Variants in ZNF28 observed in about 807,000 individuals in gnomAD.
ZNF28 encodes zinc finger protein 28.
ZNF28 carries 5 observed loss-of-function variants against 7.2 expected under a neutral mutation model. The observed-to-expected ratio is 0.70, with a 90% CI of 0.36 to 1.46. The LOEUF (loss-of-function observed/expected upper bound fraction) is 1.46, where lower values mean the gene tolerates loss of function less well. Ranked by LOEUF, ZNF28 falls within the 40% of genes most tolerant of loss-of-function variation. The pLI is 0.03. For synonymous variants in ZNF28, 288 were observed against 292.4 expected, an observed-to-expected ratio of 0.99 and a Z score of 0.15; for missense variants, 879 against 866.6, an observed-to-expected ratio of 1.01 and a Z score of -0.18.
In ZNF28 at chr19:52,819,629, A is replaced by C. The variant is rs2063170678; in HGVS notation, c.-73-1598T>G. On this transcript the variant is annotated intron_variant, in intron 1 of 3. Coordinates refer to ENST00000457749, the MANE Select transcript of ZNF28 (RefSeq NM_006969.5). ...GAAACATTTTCACGAAGTTACCCTG[A>C]GAAGGTCTGAGATGAGTGAGAAGGT... Among the ~76,000 whole-genome samples, 6 of 129,372 alleles carry C rather than the reference A, an allele frequency of 4.6e-5. No homozygotes were observed. The Admixed American group carries it at 4.7e-4, about 10-fold the overall frequency. The allele number at this position is 129,372 out of a possible 152,430, so 84.9% of individuals were successfully genotyped here.
At chr19:52,809,555 C>T (rs113192642) in intron 2 of ZNF28, among the ~76,000 whole-genome samples, 1 of 152,136 alleles carries the variant, frequency 6.6e-6, no homozygotes, top group East Asian at 1.9e-4. Flanking sequence ...CGCCTGTAAT[C>T]CCAGCACTTT....
intron 2 of ZNF28, among the ~76,000 whole-genome samples, chr19:52,817,304 G>A (rs58599955): frequency 0.59 from 88,808 of 151,606 alleles, 27,214 homozygotes; most frequent in Non-Finnish European, 0.69. Context: ...CCCAGGAGGC[G>A]GAGGTTGCGG....
Position 52,800,554 on chromosome 19 carries a change from T to C in ZNF28, c.1291A>G (p.Ile431Val), listed in dbSNP as rs1249717849. 12 of 1,613,540 alleles carry C rather than the reference T, an allele frequency of 7.4e-6. No homozygotes were observed. Among genetic ancestry groups the C allele is most frequent in the South Asian group, 1.1e-5 (1 of 91,022 alleles). The change falls in exon 4 of 4, where the codon ATA becomes GTA. Residue 431 changes from isoleucine to valine, a missense_variant. Coordinates refer to ENST00000457749, the MANE Select transcript of ZNF28 (RefSeq NM_006969.5). ...TAAGGCTTCTCTCCAGTGTGAATTA[T>C]ACTATGTTTTGCCAGGTATGAATTA... Reference protein sequence around the residue: ...AYNSYLAKHSIIHTGEKPYKC... With the variant: ...AYNSYLAKHSVIHTGEKPYKC...
chr19:52,820,262 C>T (rs1159656918), intron 1 of ZNF28, among the ~76,000 whole-genome samples: 1 of 137,942 alleles, frequency 7.2e-6, no homozygotes, highest in Non-Finnish European at 1.5e-5. Flanking sequence ...GGACTACAGG[C>T]GCCCGCCACC....
chr19:52,808,195 G>T, intron 2 of ZNF28, 62 bp from the exon 3 acceptor site: 1 of 1,595,834 alleles, frequency 6.3e-7, no homozygotes, highest in Non-Finnish European at 8.5e-7. Flanking sequence ...TACAGAAAAT[G>T]ACAAGAGAGG....
chr19:52,815,788 G>A (rs1194115307), intron 2 of ZNF28, among the ~76,000 whole-genome samples: 1 of 146,270 alleles, frequency 6.8e-6, no homozygotes, highest in South Asian at 2.3e-4. Flanking sequence ...TTGCACCACT[G>A]CACTCCAGCC....
intron 2 of ZNF28, chr19:52,809,955 G>C: frequency 1.2e-6 from 1 of 813,974 alleles, no homozygotes; most frequent in South Asian, 1.4e-5. Flanking sequence ...GGGGGGCGCA[G>C]GGGACGATGG....
intron 2 of ZNF28, chr19:52,810,680 G>C (rs760580208): frequency 2.3e-6 from 2 of 883,214 alleles, no homozygotes; most frequent in Non-Finnish European, 3.9e-6. Context: ...GGCCGGGCTA[G>C]AGCGACATCA....
chr19:52,807,968 A>G (rs2062957487), intron 3 of ZNF28, 39 bp downstream of exon 3: 1 of 1,611,178 alleles, frequency 6.2e-7, no homozygotes, highest in Non-Finnish European at 8.5e-7. Context: ...AGAAAATACA[A>G]AGATACACAA....
At position 52,800,811 on chromosome 19, in the gene ZNF28, T is replaced by C; in HGVS notation, c.1034A>G (p.His345Arg). 1.9e-6 allele frequency: 3 copies of C among 1,614,140 alleles called. No individual in the cohort carries two copies. In the East Asian group the frequency reaches 6.7e-5, roughly 36 times the overall value. ...TTTCTCTCCAGTGTGAATTATAGTATGTTTTGCTAGGTATGAATTACATGT... is the reference window on the plus strand; with the variant it reads ...TTTCTCTCCAGTGTGAATTATAGTACGTTTTGCTAGGTATGAATTACATGT... ...AFTCNSYLAKHTIIHTGEKPY... is the reference protein window; with the variant it reads ...AFTCNSYLAKRTIIHTGEKPY... The change falls in exon 4 of 4, where the codon CAT (histidine) becomes CGT (arginine). Residue 345 changes from histidine (H) to arginine (R), a missense_variant. Transcript: ENST00000457749.
intron 3 of ZNF28, among the ~76,000 whole-genome samples, chr19:52,804,489 A>T (rs1310887909): frequency 6.6e-6 from 1 of 151,244 alleles, no homozygotes; most frequent in African/African-American, 2.4e-5. Flanking sequence ...TCCTGCCTCA[A>T]CCTCCCAAGT....
rs747168994 is a variant in ZNF28, at chr19:52,801,516, G to A, written c.329C>T (p.Ala110Val). The A allele has an allele frequency of 1.1e-5, 17 of 1,614,074 alleles. No individual in the cohort carries two copies. Among genetic ancestry groups the A allele is most frequent in the Admixed American group, 1.0e-4 (6 of 60,016 alleles). ...QWKEDETNDH[A>V]APMTEIKELT... ...CTCTTTGATTTCTGTCATGGGTGCT[G>A]CATGGTCATTTGTTTCATCTTCTTT... Residue 110 changes from alanine (A) to valine (V), a missense_variant, in exon 4 of 4, where the codon GCA becomes GTA. Around this residue, in one of 2 missense-constraint regions of ZNF28, gnomAD observed 864 missense variants for 830.2 expected, o/e 1.04. Coordinates refer to ENST00000457749, the MANE Select transcript of ZNF28 (RefSeq NM_006969.5).
At chr19:52,816,838 A>AATAATG (rs2063131410) in intron 2 of ZNF28, among the ~76,000 whole-genome samples, 1 of 135,438 alleles carries the variant, frequency 7.4e-6, no homozygotes, top group South Asian at 2.3e-4. Flanking sequence ...TTCAGAAAAT[A>AATAATG]ATAATAATAA....
chr19:52,806,762 C>T (rs1008157030), intron 3 of ZNF28, among the ~76,000 whole-genome samples: 1 of 151,884 alleles, frequency 6.6e-6, no homozygotes, highest in Non-Finnish European at 1.5e-5. Context: ...ATTAGCTGGG[C>T]ATGGTGGTGA....
At chr19:52,807,846 A>G in intron 3 of ZNF28, 161 bp downstream of exon 3, 1 of 1,195,790 alleles carries the variant, frequency 8.4e-7, no homozygotes. Context: ...CAGAACCTCT[A>G]AACAAAGGGG....
Position 52,801,126 on chromosome 19 carries a change from T to C in ZNF28, c.719A>G (p.Glu240Gly). ...ATATACATCACATTTACATTGTTTC[T>C]CTTCTAAGTGGGTTATCTGATGTTT... is the stretch of plus-strand genomic sequence containing the variant. ...LKKHQITHLEEKQCKCDVYGK... is the reference protein window; with the variant it reads ...LKKHQITHLEGKQCKCDVYGK... Residue 240 changes from glutamate (E) to glycine (G), a missense_variant, in exon 4 of 4, where the codon GAG becomes GGG. Glu to Gly is a moderately conservative substitution (Grantham distance 98, BLOSUM62 -2). This residue lies in a region of ZNF28 where 864 missense variants were observed against 830.2 expected (regional missense o/e 1.04). Coordinates refer to ENST00000457749, the MANE Select transcript of ZNF28 (RefSeq NM_006969.5). 1 of 1,614,134 alleles carries C rather than the reference T, an allele frequency of 6.2e-7. No individual in the cohort carries two copies. Among genetic ancestry groups the C allele is most frequent in the Non-Finnish European group, 8.5e-7 (1 of 1,179,982 alleles).
At position 52,810,300 on chromosome 19, in the gene ZNF28, G is replaced by A. The variant is rs1600454103; in HGVS notation, c.16-2167C>T. On this transcript the variant is annotated intron_variant, in intron 2 of 3. Transcript: ENST00000457749. Reference sequence around the variant, plus strand: ...GTCCATTGAGGAGAAGATGGAGGCTGATGCCCGTTCCATCAATGCTGGCAA... The same window carrying A: ...GTCCATTGAGGAGAAGATGGAGGCTAATGCCCGTTCCATCAATGCTGGCAA... The A allele has an allele frequency of 5.8e-6, 9 of 1,551,236 alleles. No individual in the cohort carries two copies. The East Asian group carries it at 2.0e-4, about 35-fold the overall frequency.
chr19:52,803,039 G>A (rs1465293851), intron 3 of ZNF28, among the ~76,000 whole-genome samples: 1 of 151,530 alleles, frequency 6.6e-6, no homozygotes, highest in Non-Finnish European at 1.5e-5. Context: ...GGGATTATAG[G>A]CATGAGCCAC....
Position 52,801,654 on chromosome 19 carries a change from C to T in ZNF28, c.191G>A (p.Gly64Asp), listed in dbSNP as rs1243012325. The T allele has an allele frequency of 2.5e-6, 4 of 1,612,806 alleles. No homozygotes were observed. Among genetic ancestry groups the T allele is most frequent in the South Asian group, 2.2e-5 (2 of 90,914 alleles). ...CCCTGTGTGGAACGCTTCTGTATTGCCTTGCCCTGTTGAGAAGAATGTCTT... is the reference window on the plus strand; with the variant it reads ...CCCTGTGTGGAACGCTTCTGTATTGTCTTGCCCTGTTGAGAAGAATGTCTT... ...MMKTFFSTGQ[G>D]NTEAFHTGTL... The change falls in exon 4 of 4, where the codon GGC becomes GAC. Residue 64 changes from glycine to aspartate, a missense_variant. By Grantham distance (94) the Gly-to-Asp change is moderately conservative. Coordinates refer to ENST00000457749, the MANE Select transcript of ZNF28 (RefSeq NM_006969.5).
Sources: gnomAD v4.1 joint callset for allele counts (sites outside exome capture counted in the v4.1 genomes callset) on GRCh38, gnomAD v4.1.1 for gene constraint, gnomAD v4.1.1 regional missense constraint, MANE v1.5 for transcripts, NCBI Gene and HGNC (gene_info 2026-07-23, HGNC 2026-07-21) for gene names.